The following SLTM variants were observed in gnomAD, a reference collection of about 807,000 sequenced individuals.
SLTM encodes SAFB like transcription modulator.
A neutral mutation model predicts 134.6 loss-of-function variants in SLTM; 43 were observed. The ratio of observed to expected loss-of-function variants is 0.32; its 90% CI spans 0.25 to 0.41. The LOEUF (loss-of-function observed/expected upper bound fraction) is 0.41. Ranked by LOEUF, SLTM falls within the 10% of genes least tolerant of loss-of-function variation. The probability of loss-of-function intolerance (pLI) is 1.00; values close to 1 mark genes in which losing one functional copy is unlikely to be tolerated. For synonymous variants in SLTM, 424 were observed against 432.3 expected, an observed-to-expected ratio of 0.98 and a Z score of 0.24; for missense variants, 1,055 against 1,288.8, an observed-to-expected ratio of 0.82 and a Z score of 2.78.
At chr15:58,905,693 T>G (rs1469445850) in intron 5 of SLTM, among the ~76,000 whole-genome samples, 1 of 152,104 alleles carries the variant, frequency 6.6e-6, no homozygotes, top group East Asian at 1.9e-4. Flanking sequence ...ACATAACATG[T>G]CCAAATTATT....
At chr15:58,904,927 T>C (rs2035766519) in intron 5 of SLTM, among the ~76,000 whole-genome samples, 1 of 152,142 alleles carries the variant, frequency 6.6e-6, no homozygotes. Flanking sequence ...GCCAAGATGG[T>C]CTCTAACTCC....
rs1180711886 is a variant in SLTM, at chr15:58,904,862, C to G, written c.562-3575G>C. ...AGTAGCTGGGATTACAGGTGCGTACCACTACGCCCAGCTAATTTTTGTATT... is the reference window on the plus strand; with the variant it reads ...AGTAGCTGGGATTACAGGTGCGTACGACTACGCCCAGCTAATTTTTGTATT... On this transcript the variant is annotated intron_variant, in intron 5 of 20. Coordinates refer to ENST00000380516, the MANE Select transcript of SLTM (RefSeq NM_024755.4). 6.6e-5 allele frequency among the ~76,000 whole-genome samples: 10 copies of G among 152,280 alleles called. 1 individual carries two copies. In the East Asian group the frequency reaches 1.9e-3, roughly 29 times the overall value.
At chr15:58,926,970 A>G (rs1306716583) in intron 2 of SLTM, among the ~76,000 whole-genome samples, 1 of 152,156 alleles carries the variant, frequency 6.6e-6, no homozygotes, top group Non-Finnish European at 1.5e-5. Flanking sequence ...AAAATGACAT[A>G]TACAACCTCT....
chr15:58,908,907 G>A (rs2036066920), intron 5 of SLTM, among the ~76,000 whole-genome samples: 1 of 152,168 alleles, frequency 6.6e-6, no homozygotes. Context: ...TATGTGTACC[G>A]TGAGATAAAT....
chr15:58,898,247 T>A (rs1465405477), intron 8 of SLTM: 2 of 152,152 alleles, frequency 1.3e-5, no homozygotes, highest in Admixed American at 6.5e-5. Context: ...AGAAATTAAG[T>A]ATTTTTCAAG....
At chr15:58,882,769 A>G (rs2033846834) in intron 20 of SLTM, among the ~76,000 whole-genome samples, 1 of 152,194 alleles carries the variant, frequency 6.6e-6, no homozygotes, top group Non-Finnish European at 1.5e-5. Context: ...GAGGAATGGG[A>G]AAGAAAGGAG....
chr15:58,890,480 T>C lies in SLTM; in HGVS notation c.1899-19A>G, dbSNP rs1382395210. ...TCTTCGTCTACCAAAAATCAGTATTTAGAAATACTTAAATTATGCTAGCAC... is the reference window on the plus strand; with the variant it reads ...TCTTCGTCTACCAAAAATCAGTATTCAGAAATACTTAAATTATGCTAGCAC... On this transcript the variant is annotated intron_variant, in intron 14 of 20. Coordinates refer to ENST00000380516, the MANE Select transcript of SLTM (RefSeq NM_024755.4). 6.2e-7 allele frequency: 1 copy of C among 1,610,028 alleles called. No homozygotes were observed. Among genetic ancestry groups the C allele is most frequent in the South Asian group, 1.1e-5 (1 of 90,692 alleles).
intron 14 of SLTM, among the ~76,000 whole-genome samples, chr15:58,892,616 T>C (rs992678629): frequency 1.6e-4 from 24 of 152,322 alleles, no homozygotes; most frequent in South Asian, 6.2e-4. Flanking sequence ...CATGTGGCCA[T>C]TGGAAGAGTC....
intron 1 of SLTM, among the ~76,000 whole-genome samples, 195 bp downstream of exon 1, chr15:58,933,208 GC>G (rs1372055393): frequency 6.6e-6 from 1 of 151,750 alleles, no homozygotes; most frequent in African/African-American, 2.4e-5. Flanking sequence ...GCCCGGCCCG[GC>G]CCGGGGCGCG....
Position 58,879,050 on chromosome 15 carries a change from T to G in SLTM, c.*949A>C, listed in dbSNP as rs1374312154. 1 of 152,230 alleles carries G rather than the reference T, an allele frequency of 6.6e-6. No homozygotes were observed. Among genetic ancestry groups the G allele is most frequent in the Non-Finnish European group, 1.5e-5 (1 of 68,032 alleles). The allele number at this position is 152,230 out of a possible 1,614,324, so 9.4% of individuals were successfully genotyped here. On this transcript the variant is annotated 3_prime_UTR_variant, in exon 21 of 21. Transcript: ENST00000380516. The stretch of plus-strand genomic sequence containing the variant: ...ACGCTGAAAACAAAGACACATACAC[T>G]TCCAGGTGTGGATTTTTATTTTCAC...
Position 58,896,190 on chromosome 15 carries a change from A to AACC in SLTM, c.1227+922_1227+924dup, listed in dbSNP as rs2035063941. ...CCAGAGAAACTTTTCCTGATGAACT[A>AACC]ACCACAGGAAAGCCTCCCCTTTTTA... On this transcript the variant is annotated intron_variant, in intron 9 of 20. Transcript: ENST00000380516. Among the ~76,000 whole-genome samples, 3 of 152,134 alleles carry AACC rather than the reference A, an allele frequency of 2.0e-5. No individual in the cohort carries two copies. In the South Asian group the frequency reaches 6.2e-4, roughly 32 times the overall value.
intron 2 of SLTM, chr15:58,921,343 T>G (rs968968855): frequency 6.3e-6 from 1 of 157,886 alleles, no homozygotes; most frequent in African/African-American, 2.4e-5. Flanking sequence ...CCATTCGATC[T>G]CTGAGGAGTT....
At chr15:58,912,362 G>A (rs2036338091) in intron 5 of SLTM, among the ~76,000 whole-genome samples, 1 of 152,094 alleles carries the variant, frequency 6.6e-6, no homozygotes, top group South Asian at 2.1e-4. Flanking sequence ...GCCTCCCAAA[G>A]TGCTGGGATT....
At position 58,890,486 on chromosome 15, in the gene SLTM, T is replaced by C. The variant is rs1387981126; in HGVS notation, c.1899-25A>G. 1.9e-6 allele frequency: 3 copies of C among 1,608,418 alleles called. No individual in the cohort carries two copies. In the South Asian group the frequency reaches 3.3e-5, roughly 18 times the overall value. ...TCTACCAAAAATCAGTATTTAGAAA[T>C]ACTTAAATTATGCTAGCACTGTGTG... is the stretch of plus-strand genomic sequence containing the variant. On this transcript the variant is annotated intron_variant, in intron 14 of 20. Coordinates refer to ENST00000380516, the MANE Select transcript of SLTM (RefSeq NM_024755.4).
chr15:58,893,708 T>A (rs1019124581), intron 12 of SLTM, 113 bp downstream of exon 12: 75 of 1,155,524 alleles, frequency 6.5e-5, no homozygotes, highest in Non-Finnish European at 6.9e-5. Flanking sequence ...CCTACCACAA[T>A]GACACCTAAC....
intron 19 of SLTM, among the ~76,000 whole-genome samples, chr15:58,886,228 T>A (rs1431520406): frequency 0.031 from 2,663 of 85,842 alleles, 84 homozygotes; most frequent in African/African-American, 0.12. Flanking sequence ...AGTGTGTGTG[T>A]GTGTGTGTGT....
rs142696944 is a variant in SLTM at position 58,899,586 on chromosome 15, C to T, written c.941G>A (p.Gly314Asp). The T allele has an allele frequency of 3.7e-6, 6 of 1,614,204 alleles. No homozygotes were observed. The highest frequency in any genetic ancestry group is 5.1e-6 in the Non-Finnish European group (6 of 1,180,028). The stretch of plus-strand genomic sequence containing the variant: ...TCTGGCTTCCTTCTCGACAGGGTCA[C>T]CCTTCACGCAGTCTTCCTTCTTACC... ...KDGKKEDCVK[G>D]DPVEKEARES... The change falls in exon 7 of 21, where the codon GGT becomes GAT. Residue 314 changes from glycine to aspartate, a missense_variant. Transcript: ENST00000380516. The surrounding 1 kb of genome is among the most constrained non-coding windows in gnomAD (Gnocchi z 5.0).
chr15:58,919,465 C>T (rs911093409), intron 2 of SLTM, among the ~76,000 whole-genome samples: 9 of 151,826 alleles, frequency 5.9e-5, no homozygotes, highest in Non-Finnish European at 8.8e-5. Flanking sequence ...CTGGGTGTCG[C>T]GGTGTATGCC....
intron 11 of SLTM, 49 bp downstream of exon 11, chr15:58,894,039 CAA>C (rs775903634): frequency 6.3e-7 from 1 of 1,599,770 alleles, no homozygotes; most frequent in Non-Finnish European, 8.5e-7. Flanking sequence ...CATAATGTAC[CAA>C]AAAAGTCTAT....
Sources: allele counts gnomAD v4.1 joint callset (sites outside exome capture counted in the v4.1 genomes callset), GRCh38; gene constraint gnomAD v4.1.1; non-coding constraint Gnocchi (gnomAD v3.1); transcripts MANE v1.5; gene names NCBI Gene and HGNC (gene_info 2026-07-23, HGNC 2026-07-21).